The following SOX6 variants were observed in gnomAD, a reference collection of about 807,000 sequenced individuals.
SOX6 encodes transcription factor SOX-6.
In SOX6, 11 loss-of-function variants were observed where a neutral mutation model predicts 97.8. The ratio of observed to expected loss-of-function variants is 0.11; its 90% CI spans 0.07 to 0.19. SOX6 has a LOEUF of 0.19. SOX6 is among the 10% of genes least tolerant of loss of function. SOX6 has a pLI of 1.00. For missense variants in SOX6, 810 were observed against 1,039.5 expected, an observed-to-expected ratio of 0.78 and a Z score of 3.04; for synonymous variants, 360 against 371.4, an observed-to-expected ratio of 0.97 and a Z score of 0.35.
intron 13 of SOX6, among the ~76,000 whole-genome samples, chr11:16,006,309 T>C (rs573824374): frequency 6.6e-6 from 1 of 152,200 alleles, no homozygotes; most frequent in East Asian, 1.9e-4. Flanking sequence ...TGATTAAAGG[T>C]TAATGCATAT....
chr11:16,585,964 T>C lies in SOX6; in HGVS notation n.609+26117A>G, dbSNP rs1398764561. 3.9e-5 allele frequency among the ~76,000 whole-genome samples: 6 copies of C among 152,270 alleles called. No homozygotes were observed. The East Asian group carries it at 1.2e-3, about 29-fold the overall frequency. ...TCCCAAAGTGCTGGGATTGCAGGCA[T>C]GAGCCACTGTGCCCAGCTGAGAATA... On this transcript the variant is annotated intron_variant and non_coding_transcript_variant, in intron 4 of 5. Coordinates refer to the SOX6 transcript ENST00000524520.
At chr11:16,485,587 T>C (rs1447234556) in intron 4 of SOX6, among the ~76,000 whole-genome samples, 4 of 151,482 alleles carry the variant, frequency 2.6e-5, no homozygotes, top group Admixed American at 2.6e-4. Context: ...AAAAATAAGC[T>C]GGGCATGGTG....
intron 7 of SOX6, among the ~76,000 whole-genome samples, chr11:16,109,582 C>T (rs1312847338): frequency 6.6e-6 from 1 of 152,094 alleles, no homozygotes; most frequent in African/African-American, 2.4e-5. Context: ...AGTTTCCAGT[C>T]CAATAGAAGT....
At chr11:16,132,505 A>AAGCAAGCAAGCAAGCAAGCAAGC (rs1849843394) in intron 6 of SOX6, among the ~76,000 whole-genome samples, 7 of 86,212 alleles carry the variant, frequency 8.1e-5, no homozygotes, top group Admixed American at 2.4e-4. Context: ...AGAAAGAAAG[A>AAGCAAGCAAGCAAGCAAGCAAGC]AAGCTTATCT....
At chr11:16,147,166 T>G (rs932864634) in intron 6 of SOX6, among the ~76,000 whole-genome samples, 1 of 152,060 alleles carries the variant, frequency 6.6e-6, no homozygotes, top group African/African-American at 2.4e-5. Context: ...TGGAATACTA[T>G]GCAGCCATAA....
intron 6 of SOX6, among the ~76,000 whole-genome samples, chr11:16,126,787 T>C (rs1849623249): frequency 6.6e-6 from 1 of 152,178 alleles, no homozygotes; most frequent in Non-Finnish European, 1.5e-5. Flanking sequence ...GATGACTTCT[T>C]GTTACACTAG....
intron 6 of SOX6, among the ~76,000 whole-genome samples, chr11:16,174,245 C>G (rs1851120673): frequency 6.6e-6 from 1 of 151,826 alleles, no homozygotes; most frequent in African/African-American, 2.4e-5. Flanking sequence ...AAATTTTCCA[C>G]TGAAACATAC....
chr11:16,163,059 G>A (rs534297953), intron 6 of SOX6, among the ~76,000 whole-genome samples: 1 of 151,786 alleles, frequency 6.6e-6, no homozygotes, highest in Non-Finnish European at 1.5e-5. Context: ...GAAAGATAGT[G>A]TAAAAAGGGG....
At chr11:16,138,823 A>C (rs184905797) in intron 6 of SOX6, among the ~76,000 whole-genome samples, 73 of 152,004 alleles carry the variant, frequency 4.8e-4, no homozygotes, top group African/African-American at 1.6e-3. Flanking sequence ...TCCTTGCGAT[A>C]GTTTGCTGAG....
chr11:16,153,822 C>A (rs888490746), intron 6 of SOX6, among the ~76,000 whole-genome samples: 8 of 151,860 alleles, frequency 5.3e-5, no homozygotes, highest in African/African-American at 1.9e-4. Flanking sequence ...TGAGGAAAAT[C>A]TAAGCATTTT....
Position 15,966,911 on chromosome 11 carries a change from A to AC in SOX6, c.*5897_*5898insG, listed in dbSNP as rs1554907852. ...GATTCATTCCTGTAAATTTGAAGAG[A>AC]TTTTTTTTATTTTTCCCATTTCTTT... On this transcript the variant is annotated 3_prime_UTR_variant, in exon 16 of 16. Coordinates refer to ENST00000683767, the MANE Select transcript of SOX6 (RefSeq NM_001367873.1). 1.3e-5 allele frequency: 2 copies of AC among 151,876 alleles called. No individual in the cohort carries two copies. The highest frequency in any genetic ancestry group is 2.9e-5 in the Non-Finnish European group (2 of 67,978). 9.4% of individuals were successfully genotyped at this position (151,876 alleles called of 1,614,324 possible).
At chr11:16,177,860 A>G (rs778447005) in intron 6 of SOX6, among the ~76,000 whole-genome samples, 2 of 151,894 alleles carry the variant, frequency 1.3e-5, no homozygotes, top group Non-Finnish European at 2.9e-5. Flanking sequence ...TGAAGAGGTA[A>G]GGCACTCTTC....
rs1206368447 is a variant in SOX6, at chr11:16,452,964, A to T, written c.-5+23351T>A. ...GGGAGATGAGTTCATGAGTAAGATG[A>T]ACAGGGATGCTCCACAGCAGGTAAA... On this transcript the variant is annotated intron_variant, in intron 1 of 15. Transcript: ENST00000396356. Among the ~76,000 whole-genome samples, 4 of 152,200 alleles carry T rather than the reference A, an allele frequency of 2.6e-5. No homozygotes were observed. In the East Asian group the frequency reaches 7.7e-4, roughly 29 times the overall value.
intron 4 of SOX6, among the ~76,000 whole-genome samples, chr11:16,490,601 T>C (rs1860496469): frequency 6.6e-6 from 1 of 151,962 alleles, no homozygotes; most frequent in African/African-American, 2.4e-5. Flanking sequence ...TTATTAGAGA[T>C]AAAGATAATA....
At chr11:16,181,363 G>T (rs1249537748) in intron 6 of SOX6, among the ~76,000 whole-genome samples, 1 of 151,116 alleles carries the variant, frequency 6.6e-6, no homozygotes, top group East Asian at 1.9e-4. Context: ...TAATAATTTT[G>T]TTTTATCCTT....
intron 3 of SOX6, among the ~76,000 whole-genome samples, chr11:16,238,405 G>A (rs556151343): frequency 2.9e-4 from 44 of 151,972 alleles, no homozygotes; most frequent in Admixed American, 1.6e-3. Context: ...CTTAGGTTTC[G>A]GGCCAGGTAA....
chr11:16,406,035 T>C (rs1858679718), intron 1 of SOX6, among the ~76,000 whole-genome samples: 1 of 152,092 alleles, frequency 6.6e-6, no homozygotes, highest in South Asian at 2.1e-4. Flanking sequence ...TCTTTCTTTA[T>C]GGACTAAATC....
intron 1 of SOX6, among the ~76,000 whole-genome samples, chr11:16,423,560 G>C (rs1859062327): frequency 6.6e-6 from 1 of 152,006 alleles, no homozygotes; most frequent in Non-Finnish European, 1.5e-5. Flanking sequence ...TAAAGAAAAA[G>C]GAGTCAACAC....
chr11:16,179,601 T>C (rs1851293076), intron 6 of SOX6, among the ~76,000 whole-genome samples: 1 of 151,950 alleles, frequency 6.6e-6, no homozygotes. Context: ...ATCTAATGCA[T>C]ATGTTAAATG....
Sources: gnomAD v4.1 joint callset for allele counts (sites outside exome capture counted in the v4.1 genomes callset) on GRCh38, gnomAD v4.1.1 for gene constraint, MANE v1.5 for transcripts, NCBI Gene and HGNC (gene_info 2026-07-23, HGNC 2026-07-21) for gene names.